The following LPA variants were observed in gnomAD, a reference collection of about 807,000 sequenced individuals.
LPA encodes lipoprotein(a).
In LPA, 199 loss-of-function variants were observed where a neutral mutation model predicts 197.9. That is an observed-to-expected ratio of 1.01 (90% confidence interval 0.90 to 1.13). LPA has a LOEUF of 1.13. Ranked by LOEUF, LPA falls within the 50% of genes most tolerant of loss-of-function variation. The probability of loss-of-function intolerance (pLI) is 0.00; values close to 1 mark genes in which losing one functional copy is unlikely to be tolerated. For missense variants in LPA, 1,853 were observed against 1,785.8 expected, an observed-to-expected ratio of 1.04 and a Z score of -0.68; for synonymous variants, 715 against 639.5, an observed-to-expected ratio of 1.12 and a Z score of -1.78.
chr6:160,647,336 G>T (rs1779911417), intron 2 of LPA, among the ~76,000 whole-genome samples: 1 of 152,168 alleles, frequency 6.6e-6, no homozygotes, highest in Non-Finnish European at 1.5e-5. Flanking sequence ...TCTTCCTTAT[G>T]CCTCCCAAGA....
At chr6:160,550,286 C>G (rs993748054) in intron 30 of LPA, among the ~76,000 whole-genome samples, 2 of 151,992 alleles carry the variant, frequency 1.3e-5, no homozygotes, top group Non-Finnish European at 2.9e-5. Flanking sequence ...GAATGTGCTC[C>G]CCTTCGTTCC....
intron 20 of LPA, among the ~76,000 whole-genome samples, chr6:160,595,962 G>A (rs1178704068): frequency 6.6e-6 from 1 of 152,198 alleles, no homozygotes; most frequent in Non-Finnish European, 1.5e-5. Context: ...ATTTTGAAGT[G>A]TGTCTTGTAG....
chr6:160,663,524 G>A (rs142255655), intron 1 of LPA, among the ~76,000 whole-genome samples: 3 of 152,274 alleles, frequency 2.0e-5, no homozygotes, highest in African/African-American at 2.4e-5. Context: ...AATCACACAC[G>A]GTGTGTATGT....
rs770821589 is a variant in LPA, at chr6:160,540,096, A to G, written c.5682T>C (p.Ser1894=). The G allele has an allele frequency of 1.2e-6, 2 of 1,614,144 alleles. No individual in the cohort carries two copies. Among genetic ancestry groups the G allele is most frequent in the South Asian group, 1.1e-5 (1 of 91,076 alleles). ...LESHVQEIEV[S]RLFLEPTQAD... Reference sequence around the variant, plus strand: ...CTTGTGTGGGCTCCAAGAACAGCCTAGACACTTCTATTTCCTGAACATGAG... The same window carrying G: ...CTTGTGTGGGCTCCAAGAACAGCCTGGACACTTCTATTTCCTGAACATGAG... The change falls in exon 36 of 39, where the codon TCT becomes TCC. Residue 1894 remains serine (S), a synonymous_variant. Coordinates refer to ENST00000316300, the MANE Select transcript of LPA (RefSeq NM_005577.4).
chr6:160,593,278 G>A (rs1300722752), intron 22 of LPA, among the ~76,000 whole-genome samples: 1 of 152,152 alleles, frequency 6.6e-6, no homozygotes, highest in African/African-American at 2.4e-5. Flanking sequence ...ATTTTCTCAG[G>A]CCTGTCATGT....
chr6:160,577,049 C>A, intron 28 of LPA, 87 bp downstream of exon 28: 2 of 1,523,074 alleles, frequency 1.3e-6, no homozygotes, highest in South Asian at 1.1e-5. Flanking sequence ...AGAAATTTGT[C>A]CCTAGGAAGT....
chr6:160,532,700 C>T (rs200649773), intron 37 of LPA, 51 bp from the exon 38 acceptor site: 19 of 1,251,606 alleles, frequency 1.5e-5, no homozygotes, highest in East Asian at 2.3e-5. Context: ...AGCTTGTTCA[C>T]GAGGAAATTC....
chr6:160,545,877 C>T (rs1025617055), intron 32 of LPA, among the ~76,000 whole-genome samples: 8 of 152,046 alleles, frequency 5.3e-5, no homozygotes, highest in East Asian at 1.9e-4. Flanking sequence ...GTCCCTGGGG[C>T]GCTGAGGGGT....
intron 14 of LPA, among the ~76,000 whole-genome samples, chr6:160,615,447 A>C (rs1779581318): frequency 8.8e-6 from 1 of 113,126 alleles, no homozygotes; most frequent in Non-Finnish European, 1.8e-5. Context: ...GAAACGTCTA[A>C]TTTGATCAGC....
At chr6:160,652,916 ATAAG>A (rs1312804934) in intron 1 of LPA, among the ~76,000 whole-genome samples, 1 of 152,184 alleles carries the variant, frequency 6.6e-6, no homozygotes, top group Non-Finnish European at 1.5e-5. Context: ...AATTAATTTA[ATAAG>A]TAAGTCGTGG....
intron 16 of LPA, among the ~76,000 whole-genome samples, chr6:160,610,214 C>T (rs763978764): frequency 6.6e-6 from 1 of 152,006 alleles, no homozygotes; most frequent in Admixed American, 6.6e-5. Flanking sequence ...CTGGGGATAC[C>T]GCATAGCTGA....
intron 1 of LPA, among the ~76,000 whole-genome samples, chr6:160,651,875 G>A (rs1443534481): frequency 1.3e-5 from 2 of 152,256 alleles, no homozygotes; most frequent in East Asian, 3.9e-4. Flanking sequence ...GCTAGGAAGA[G>A]ATTTATAATA....
intron 16 of LPA, among the ~76,000 whole-genome samples, chr6:160,611,336 G>T (rs1233000434): frequency 6.6e-6 from 1 of 151,978 alleles, no homozygotes; most frequent in Non-Finnish European, 1.5e-5. Flanking sequence ...TGATCTCCTC[G>T]CCTCCTCATT....
intron 16 of LPA, among the ~76,000 whole-genome samples, chr6:160,607,770 C>T (rs1779390398): frequency 6.6e-6 from 1 of 152,084 alleles, no homozygotes; most frequent in African/African-American, 2.4e-5. Flanking sequence ...GTTCAATGAG[C>T]TACAGGATGT....
At chr6:160,571,609 A>G (rs991301551) in intron 28 of LPA, among the ~76,000 whole-genome samples, 1 of 152,184 alleles carries the variant, frequency 6.6e-6, no homozygotes, top group Non-Finnish European at 1.5e-5. Context: ...TCTTGCTACA[A>G]TGGCTTTGCC....
Position 160,664,246 on chromosome 6 carries a change from T to G in LPA, c.-32A>C, listed in dbSNP as rs1623955. On this transcript the variant is annotated 5_prime_UTR_variant, in exon 1 of 39. Coordinates refer to ENST00000316300, the MANE Select transcript of LPA (RefSeq NM_005577.4). ...ACTGGCCAGCAGTGCCCAGAAAGTG[T>G]GTCCCAATCCCAGGACATTGTTGAC... The G allele has an allele frequency of 3.7e-4, 599 of 1,602,518 alleles. 1 individual carries two copies. The highest frequency in any genetic ancestry group is 2.3e-3 in the African/African-American group (174 of 74,558).
chr6:160,599,793 G>A (rs1779203774), intron 19 of LPA, 134 bp from the exon 20 acceptor site: 1 of 932,378 alleles, frequency 1.1e-6, no homozygotes, highest in Admixed American at 2.1e-5. Context: ...ATAGGCAAAT[G>A]GACATGAGAA....
At chr6:160,587,870 C>T (rs1259521563) in intron 24 of LPA, among the ~76,000 whole-genome samples, 3 of 151,116 alleles carry the variant, frequency 2.0e-5, no homozygotes, top group Admixed American at 6.6e-5. Context: ...TCTAGGTCAC[C>T]TTTCCTACCG....
At chr6:160,573,532 G>C (rs1778600586) in intron 28 of LPA, among the ~76,000 whole-genome samples, 1 of 152,104 alleles carries the variant, frequency 6.6e-6, no homozygotes, top group Admixed American at 6.5e-5. Context: ...TTGGTTTTCT[G>C]GTTCCTTCTC....
Sources: allele counts gnomAD v4.1 joint callset (sites outside exome capture counted in the v4.1 genomes callset), GRCh38; gene constraint gnomAD v4.1.1; transcripts MANE v1.5; gene names NCBI Gene and HGNC (gene_info 2026-07-23, HGNC 2026-07-21).